The following PYURF variants were observed in gnomAD, a reference collection of about 807,000 sequenced individuals.
PYURF encodes PIGY upstream open reading frame.
PYURF carries 9 observed loss-of-function variants against 8.0 expected under a neutral mutation model. The ratio of observed to expected loss-of-function variants is 1.13; its 90% confidence interval spans 0.68 to 1.97. The LOEUF (loss-of-function observed/expected upper bound fraction) is 1.97, where lower values mean the gene tolerates loss of function less well. Ranked by LOEUF, PYURF falls within the 30% of genes most tolerant of loss-of-function variation. PYURF has a pLI of 0.00. For missense variants in PYURF, 130 were observed against 158.0 expected (o/e 0.82, Z 0.95); for synonymous variants, 56 against 68.3 (o/e 0.82, Z 0.89).
In PYURF at chr4:88,522,118, A is replaced by G; in HGVS notation, c.204-89T>C. On this transcript the variant is annotated intron_variant, in intron 1 of 1. Coordinates refer to ENST00000273968, the MANE Select transcript of PYURF (RefSeq NM_032906.5). ...TTTCAACAAATACCACCATTTATCC[A>G]ATTTTTGGTACGGAGTTAATCCCAG... 4.8e-6 allele frequency: 6 copies of G among 1,248,602 alleles called. No individual in the cohort carries two copies. The South Asian group carries it at 9.6e-5, about 20-fold the overall frequency. The allele number at this position is 1,248,602 out of a possible 1,614,324, so 77.3% of individuals were successfully genotyped here.
Position 88,521,766 on chromosome 4 carries a change from C to CA in PYURF, c.*121dup. The CA allele has an allele frequency of 6.2e-7, 1 of 1,613,052 alleles. No homozygotes were observed. Among genetic ancestry groups the CA allele is most frequent in the African/African-American group, 1.3e-5 (1 of 75,038 alleles). ...AAGAAACCAGTGGAATAAGAACAGT[C>CA]AACGTAGGAAGAGACAGAAACATTC... On this transcript the variant is annotated 3_prime_UTR_variant, in exon 2 of 2. Coordinates refer to ENST00000273968, the MANE Select transcript of PYURF (RefSeq NM_032906.5).
rs1348048998 is a variant in PYURF, at chr4:88,521,744, A to G, written c.*144T>C. On this transcript the variant is annotated 3_prime_UTR_variant, in exon 2 of 2. Transcript: ENST00000273968. ...GCTGAGTAGAACAGTCCTGCTAAAG[A>G]AACCAGTGGAATAAGAACAGTCAAC... The G allele has an allele frequency of 1.1e-5, 17 of 1,613,658 alleles. No individual in the cohort carries two copies. The highest frequency in any genetic ancestry group is 1.4e-5 in the Non-Finnish European group (16 of 1,179,832).
Position 88,523,635 on chromosome 4 carries a change from C to G in PYURF, c.66G>C (p.Ala22=), listed in dbSNP as rs1279379004. The G allele has an allele frequency of 1.9e-6, 3 of 1,541,930 alleles. No homozygotes were observed. Among genetic ancestry groups the G allele is most frequent in the African/African-American group, 2.7e-5 (2 of 72,760 alleles). The change falls in exon 1 of 2, where the codon GCG becomes GCC. Residue 22 remains alanine (A), a synonymous_variant. Coordinates refer to ENST00000273968, the MANE Select transcript of PYURF (RefSeq NM_032906.5). ...ACGCGTGCAGGCACCTACGGGCGAC[C>G]GCGGACGGCGGCGCGCGCGTTCCCC... ...ALRGTRAPPS[A]VARRCLHASG...
In PYURF at chr4:88,523,661, G is replaced by A. The variant is rs1422701481; in HGVS notation, c.40C>T (p.Arg14Trp). Residue 14 changes from arginine (R) to tryptophan (W), a missense_variant, in exon 1 of 2, where the codon CGG becomes TGG. Arg to Trp is a moderately radical substitution (Grantham distance 101, BLOSUM62 -3). Coordinates refer to ENST00000273968, the MANE Select transcript of PYURF (RefSeq NM_032906.5). ...GCGGACGGCGGCGCGCGCGTTCCCC[G>A]CAGCGCTGAGGCGAGCCTGCAGCGT... ...GARCRLASAL[R>W]GTRAPPSAVA... 3 of 1,533,402 alleles carry A rather than the reference G, an allele frequency of 2.0e-6. No homozygotes were observed. Among genetic ancestry groups the A allele is most frequent in the Admixed American group, 2.0e-5 (1 of 50,002 alleles). 95.0% of individuals were successfully genotyped at this position (1,533,402 alleles called of 1,614,324 possible). A position where few individuals can be genotyped will look rare whatever the true frequency, so the allele number is the denominator to read the frequency against.
intron 1 of PYURF, 100 bp from the exon 2 acceptor site, chr4:88,522,129 C>T (rs746998187): frequency 5.0e-5 from 55 of 1,098,586 alleles, no homozygotes; most frequent in South Asian, 1.6e-4. Flanking sequence ...ATTTTTGGTA[C>T]GGAGTTAATC....
chr4:88,523,685 G>A lies in PYURF; in HGVS notation c.16C>T (p.Arg6Cys). The change falls in exon 1 of 2, where the codon CGC becomes TGC. Residue 6 changes from arginine (R) to cysteine (C), a missense_variant. Arg to Cys is a radical substitution (Grantham distance 180, BLOSUM62 -3). Coordinates refer to ENST00000273968, the MANE Select transcript of PYURF (RefSeq NM_032906.5). ...CGCAGCGCTGAGGCGAGCCTGCAGC[G>A]TGCTCCACTCAGCATGGTCTGGCAG... MLSGA[R>C]CRLASALRGT... The A allele has an allele frequency of 6.6e-7, 1 of 1,509,794 alleles. No individual in the cohort carries two copies. The allele number at this position is 1,509,794 out of a possible 1,614,324, so 93.5% of individuals were successfully genotyped here. A position where few individuals can be genotyped will look rare whatever the true frequency, so the allele number is the denominator to read the frequency against.
Position 88,521,485 on chromosome 4 carries a change from C to T in PYURF, c.*403G>A, listed in dbSNP as rs747166026. The T allele has an allele frequency of 1.6e-5, 20 of 1,229,670 alleles. No homozygotes were observed. Among genetic ancestry groups the T allele is most frequent in the Non-Finnish European group, 2.2e-5 (19 of 872,182 alleles). 76.2% of individuals were successfully genotyped at this position (1,229,670 alleles called of 1,614,324 possible). On this transcript the variant is annotated 3_prime_UTR_variant, in exon 2 of 2. Coordinates refer to ENST00000273968, the MANE Select transcript of PYURF (RefSeq NM_032906.5). ...ATATGCGCAAAGCAAAGCCTCTTTCCCGCAAACTAAATTCCATCCATTTGA... is the reference window on the plus strand; with the variant it reads ...ATATGCGCAAAGCAAAGCCTCTTTCTCGCAAACTAAATTCCATCCATTTGA...
chr4:88,522,490 C>T (rs1034771683), intron 1 of PYURF, among the ~76,000 whole-genome samples: 2 of 152,118 alleles, frequency 1.3e-5, no homozygotes, highest in Non-Finnish European at 2.9e-5. Context: ...GGTGAGAGGG[C>T]AGAAATGAAG....
rs1377584797 is a variant in PYURF at position 88,523,559 on chromosome 4, G to C, written c.142C>G (p.Arg48Gly). The C allele has an allele frequency of 3.0e-5, 46 of 1,550,798 alleles. No homozygotes were observed. In the East Asian group the frequency reaches 9.5e-4, roughly 32 times the overall value. ...DRGKKTEEPP[R>G]DFDPALLEFL... Reference sequence around the variant, plus strand: ...TCCAGCAGCGCCGGATCGAAGTCGCGGGGCGGCTCCTCAGTCTTCTTGCCC... The same window carrying C: ...TCCAGCAGCGCCGGATCGAAGTCGCCGGGCGGCTCCTCAGTCTTCTTGCCC... The change falls in exon 1 of 2, where the codon CGC (arginine) becomes GGC (glycine). Residue 48 changes from arginine to glycine, a missense_variant. By Grantham distance (125) the Arg-to-Gly change is moderately radical. Transcript: ENST00000273968.
intron 1 of PYURF, 142 bp downstream of exon 1, chr4:88,523,356 G>A (rs1742448233): frequency 4.6e-6 from 4 of 871,076 alleles, no homozygotes; most frequent in Admixed American, 2.5e-5. Flanking sequence ...CTGTGCGCCC[G>A]GCGAGGACAG....
Position 88,521,974 on chromosome 4 carries a change from T to C in PYURF, c.259A>G (p.Ile87Val), listed in dbSNP as rs1369385572. Residue 87 changes from isoleucine to valine, a missense_variant, in exon 2 of 2, where the codon ATC (isoleucine) becomes GTC (valine). By Grantham distance (29) the Ile-to-Val change is conservative. Coordinates refer to ENST00000273968, the MANE Select transcript of PYURF (RefSeq NM_032906.5). ...ATCATATTAGGGATCCCATCAATGA[T>C]TGGATAAGCTATTCCCAACTCTTCA... The part of the protein sequence containing the change: ...INEELGIAYP[I>V]IDGIPNMIPQ... 4.5e-6 allele frequency: 7 copies of C among 1,551,356 alleles called. No homozygotes were observed. The highest frequency in any genetic ancestry group is 2.0e-5 in the Admixed American group (1 of 50,972).
At position 88,521,028 on chromosome 4, in the gene PYURF, T is replaced by A. The variant is rs1280027221; in HGVS notation, c.*860A>T. The A allele has an allele frequency of 6.5e-6, 1 of 153,494 alleles. No individual in the cohort carries two copies. The highest frequency in any genetic ancestry group is 2.4e-5 in the African/African-American group (1 of 41,470). 9.5% of individuals were successfully genotyped at this position (153,494 alleles called of 1,614,324 possible). A position where few individuals can be genotyped will look rare whatever the true frequency, so the allele number is the denominator to read the frequency against. ...TTTTTATAGGAAAGTGTCAACATGT[T>A]TATTGCTAATATAAGCATTTAATGT... On this transcript the variant is annotated 3_prime_UTR_variant, in exon 2 of 2. Transcript: ENST00000273968.
intron 1 of PYURF, 85 bp downstream of exon 1, chr4:88,523,413 C>G (rs2149119338): frequency 7.2e-7 from 1 of 1,381,438 alleles, no homozygotes; most frequent in East Asian, 2.5e-5. Flanking sequence ...CTACAAGGCC[C>G]CAGTGGCTGC....
Position 88,521,270 on chromosome 4 carries a change from ACT to A in PYURF, c.*616_*617del, listed in dbSNP as rs1370571744. On this transcript the variant is annotated 3_prime_UTR_variant, in exon 2 of 2. Coordinates refer to ENST00000273968, the MANE Select transcript of PYURF (RefSeq NM_032906.5). The stretch of plus-strand genomic sequence containing the variant: ...AAACAAGCAAAACAAAATTTCAATG[ACT>A]CTTAGATGAATGGAATAAGAAATAG... The A allele has an allele frequency of 3.7e-6, 1 of 272,346 alleles. No individual in the cohort carries two copies. Among genetic ancestry groups the A allele is most frequent in the African/African-American group, 2.2e-5 (1 of 46,054 alleles). 16.9% of individuals were successfully genotyped at this position (272,346 alleles called of 1,614,324 possible).
Position 88,521,980 on chromosome 4 carries a change from A to G in PYURF, c.253T>C (p.Tyr85His), listed in dbSNP as rs796642470. Residue 85 changes from tyrosine (Y) to histidine (H), a missense_variant, in exon 2 of 2, where the codon TAT becomes CAT. By Grantham distance (83) the Tyr-to-His change is moderately conservative. Transcript: ENST00000273968. ...TTAGGGATCCCATCAATGATTGGATAAGCTATTCCCAACTCTTCATTAATC... is the reference window on the plus strand; with the variant it reads ...TTAGGGATCCCATCAATGATTGGATGAGCTATTCCCAACTCTTCATTAATC... ...ELINEELGIA[Y>H]PIIDGIPNMI... 3.2e-6 allele frequency: 5 copies of G among 1,550,708 alleles called. No homozygotes were observed. Among genetic ancestry groups the G allele is most frequent in the African/African-American group, 2.7e-5 (2 of 73,148 alleles).
Position 88,521,549 on chromosome 4 carries a change from A to G in PYURF, c.*339T>C. 1 of 1,553,320 alleles carries G rather than the reference A, an allele frequency of 6.4e-7. No individual in the cohort carries two copies. On this transcript the variant is annotated 3_prime_UTR_variant, in exon 2 of 2. Transcript: ENST00000273968. ...GATGCCCAAGAGCTATCATTAATAT[A>G]TACAGCATATTGACTCTAGTTGCAT...
chr4:88,521,697 T>C lies in PYURF; in HGVS notation c.*191A>G, dbSNP rs1342279223. The C allele has an allele frequency of 6.2e-7, 1 of 1,613,914 alleles. No homozygotes were observed. Among genetic ancestry groups the C allele is most frequent in the Admixed American group, 1.7e-5 (1 of 60,024 alleles). On this transcript the variant is annotated 3_prime_UTR_variant, in exon 2 of 2. Coordinates refer to ENST00000273968, the MANE Select transcript of PYURF (RefSeq NM_032906.5). ...GGCTGGCTGTGCTAGTGCAGCCCTG[T>C]GGGAAGTTTTCTTCCACAGAGGCTG...
In PYURF at chr4:88,521,990, C is replaced by T; in HGVS notation, c.243G>A (p.Leu81=). ...ASTNELINEE[L]GIAYPIIDGI... is the part of the protein sequence containing the mutation. Reference sequence around the variant, plus strand: ...CATCAATGATTGGATAAGCTATTCCCAACTCTTCATTAATCAATTCGTTTG... The same window carrying T: ...CATCAATGATTGGATAAGCTATTCCTAACTCTTCATTAATCAATTCGTTTG... Residue 81 remains leucine (L), a synonymous_variant, in exon 2 of 2, where the codon TTG becomes TTA. Transcript: ENST00000273968. 6.4e-7 allele frequency: 1 copy of T among 1,550,700 alleles called. No individual in the cohort carries two copies. Among genetic ancestry groups the T allele is most frequent in the Non-Finnish European group, 8.7e-7 (1 of 1,146,630 alleles).
intron 1 of PYURF, 51 bp downstream of exon 1, chr4:88,523,447 C>T: frequency 6.5e-7 from 1 of 1,542,814 alleles, no homozygotes; most frequent in Non-Finnish European, 8.8e-7. Context: ...CCACCGCTCC[C>T]TTTCCGCCCA....
Sources: gnomAD v4.1 joint callset for allele counts (sites outside exome capture counted in the v4.1 genomes callset) on GRCh38, gnomAD v4.1.1 for gene constraint, MANE v1.5 for transcripts, NCBI Gene and HGNC (gene_info 2026-07-23, HGNC 2026-07-21) for gene names.